Variants in FUT8 observed in about 807,000 individuals in gnomAD.
FUT8 encodes the protein alpha-(1,6)-fucosyltransferase.
Under a neutral mutation model 71.3 loss-of-function variants are expected in FUT8, and 29 were observed. The ratio of observed to expected loss-of-function variants is 0.41; its 90% CI spans 0.30 to 0.55. The LOEUF is 0.55. Ranked by LOEUF, FUT8 falls within the 20% of genes least tolerant of loss-of-function variation. The pLI is 0.34. For missense variants in FUT8, 544 were observed against 702.1 expected, an observed-to-expected ratio of 0.77 and a Z score of 2.55; for synonymous variants, 254 against 239.3, an observed-to-expected ratio of 1.06 and a Z score of -0.57.
chr14:65,717,343 G>A (rs1344060022), intron 7 of FUT8, among the ~76,000 whole-genome samples: 10 of 144,644 alleles, frequency 6.9e-5, no homozygotes, highest in Non-Finnish European at 1.5e-4. Context: ...CAGGGCAGCC[G>A]GGCAGAGACG....
At chr14:65,591,090 A>G (rs1472757184) in intron 3 of FUT8, among the ~76,000 whole-genome samples, 4 of 152,216 alleles carry the variant, frequency 2.6e-5, no homozygotes, top group African/African-American at 9.6e-5. Context: ...ACATTTTGGA[A>G]ACAAAGCCTA....
chr14:65,441,319 T>TTTC (rs1343451698), intron 1 of FUT8, among the ~76,000 whole-genome samples: 1 of 152,208 alleles, frequency 6.6e-6, no homozygotes, highest in African/African-American at 2.4e-5. Flanking sequence ...AACCTTAGAA[T>TTTC]AGTGACCATT....
chr14:65,524,748 A>T (rs1483631230), intron 2 of FUT8, among the ~76,000 whole-genome samples: 2 of 152,182 alleles, frequency 1.3e-5, no homozygotes, highest in Non-Finnish European at 2.9e-5. Flanking sequence ...GATAAGTCCC[A>T]TCAATATCTA....
At chr14:65,741,873 T>C (rs1466037355) in intron 10 of FUT8, among the ~76,000 whole-genome samples, 1 of 151,958 alleles carries the variant, frequency 6.6e-6, no homozygotes, top group Non-Finnish European at 1.5e-5. Context: ...GTAATAATCT[T>C]TCGTGAGTTT....
intron 7 of FUT8, among the ~76,000 whole-genome samples, chr14:65,715,357 C>T (rs1895001448): frequency 6.6e-6 from 1 of 152,164 alleles, no homozygotes; most frequent in African/African-American, 2.4e-5. Context: ...GTTCTTCATT[C>T]TGTTGATATG....
chr14:65,415,861 T>C (rs576423624), intron 1 of FUT8, among the ~76,000 whole-genome samples: 21 of 152,266 alleles, frequency 1.4e-4, no homozygotes, highest in African/African-American at 5.1e-4. Context: ...TTTTGTGGCC[T>C]GTGGCATTTC....
the FUT8 span, among the ~76,000 whole-genome samples, chr14:65,399,867 T>C: frequency 6.6e-6 from 1 of 152,240 alleles, no homozygotes; most frequent in African/African-American, 2.4e-5. Flanking sequence ...TAATAACATG[T>C]AAAGACAAAA....
intron 6 of FUT8, among the ~76,000 whole-genome samples, chr14:65,650,707 C>CAAAAAAAAAAAAA (rs57971519): frequency 3.4e-5 from 4 of 118,970 alleles, no homozygotes; most frequent in African/African-American, 1.0e-4. Context: ...CTGCTAATTA[C>CAAAAAAAAAAAAA]AAAAAAAAAA....
chr14:65,569,297 T>C (rs1886356990), intron 3 of FUT8, among the ~76,000 whole-genome samples: 1 of 151,848 alleles, frequency 6.6e-6, no homozygotes, highest in Admixed American at 6.6e-5. Context: ...CAAATACTGC[T>C]TCTGAAGCCA....
intron 2 of FUT8, among the ~76,000 whole-genome samples, chr14:65,492,896 C>T (rs1351456649): frequency 1.3e-5 from 2 of 152,004 alleles, no homozygotes; most frequent in Admixed American, 6.6e-5. Flanking sequence ...TTGACCATTT[C>T]GTGTCTCTGT....
At chr14:65,590,767 A>T (rs1023994786) in intron 3 of FUT8, among the ~76,000 whole-genome samples, 5 of 152,190 alleles carry the variant, frequency 3.3e-5, no homozygotes, top group African/African-American at 7.2e-5. Context: ...TTTGTTGGAA[A>T]TAGGTTTCAT....
intron 2 of FUT8, among the ~76,000 whole-genome samples, chr14:65,498,793 A>C (rs1566786033): frequency 6.6e-6 from 1 of 152,166 alleles, no homozygotes; most frequent in African/African-American, 2.4e-5. Flanking sequence ...TGAAATAGGA[A>C]TTTTTGGTTC....
chr14:65,686,667 C>T (rs1419460712), intron 7 of FUT8, among the ~76,000 whole-genome samples: 2 of 152,212 alleles, frequency 1.3e-5, no homozygotes, highest in East Asian at 1.9e-4. Context: ...GGTTGATTGT[C>T]AGTTTGATTT....
At chr14:65,419,619 C>G (rs1045011692) in intron 1 of FUT8, among the ~76,000 whole-genome samples, 1 of 152,138 alleles carries the variant, frequency 6.6e-6, no homozygotes, top group Admixed American at 6.5e-5. Context: ...ATTCAGTTGC[C>G]AAATGTCAAA....
rs2066368952 is a variant in FUT8, at chr14:65,483,848, T to C, written c.-228+28130T>C. On this transcript the variant is annotated intron_variant, in intron 2 of 10. Coordinates refer to ENST00000673929, the MANE Select transcript of FUT8 (RefSeq NM_001371533.1). This position sits in a 1 kb window ranked among gnomAD's most constrained non-coding sequence, Gnocchi z 4.4. The stretch of plus-strand genomic sequence containing the variant: ...TCTGGTTTCAAGTGATTCTTCTGAC[T>C]CAGCCTCCTGAGTAGCTGAGATTGC... Among the ~76,000 whole-genome samples, 1 of 152,062 alleles carries C rather than the reference T, an allele frequency of 6.6e-6. No homozygotes were observed. The highest frequency in any genetic ancestry group is 1.5e-5 in the Non-Finnish European group (1 of 68,012).
chr14:65,714,419 T>TTTTATTTATTTATTTA (rs55846929), intron 7 of FUT8, among the ~76,000 whole-genome samples: 2 of 145,488 alleles, frequency 1.4e-5, no homozygotes, highest in South Asian at 2.2e-4. Context: ...TCCATATAAA[T>TTTTATTTATTTATTTA]TTTATTTATT....
At chr14:65,615,783 C>T (rs556222889) in intron 3 of FUT8, among the ~76,000 whole-genome samples, 195 bp from the exon 4 acceptor site, 10 of 152,212 alleles carry the variant, frequency 6.6e-5, no homozygotes, top group African/African-American at 2.4e-4. Context: ...TTCTATTTTT[C>T]GTTATTATCA....
At position 65,733,288 on chromosome 14, in the gene FUT8, C is replaced by T. The variant is rs1896064549; in HGVS notation, c.1317C>T (p.His439=). Residue 439 remains histidine, a synonymous_variant, in exon 10 of 11, where the codon CAC becomes CAT. Coordinates refer to ENST00000673929, the MANE Select transcript of FUT8 (RefSeq NM_001371533.1). ...CTATTTCCTGGTCAGCTGGACTGCA[C>T]AATCGATACACAGAAAATTCACTTC... ...DNSISWSAGL[H]NRYTENSLRG... is the part of the protein sequence containing the mutation. 1 of 1,608,540 alleles carries T rather than the reference C, an allele frequency of 6.2e-7. No individual in the cohort carries two copies. The highest frequency in any genetic ancestry group is 2.2e-5 in the East Asian group (1 of 44,714).
At position 65,574,582 on chromosome 14, in the gene FUT8, G is replaced by C. The variant is rs961844394; in HGVS notation, c.203+12816G>C. ...GTGCTAAAACCAGCAAGAGCTCAAA[G>C]AGTCTGACTCTAGGTATTATAGAAT... On this transcript the variant is annotated intron_variant, in intron 3 of 10. Coordinates refer to ENST00000673929, the MANE Select transcript of FUT8 (RefSeq NM_001371533.1). The surrounding 1 kb of genome is among the most constrained non-coding windows in gnomAD (Gnocchi z 5.2). Among the ~76,000 whole-genome samples, 1 of 152,154 alleles carries C rather than the reference G, an allele frequency of 6.6e-6. No homozygotes were observed. The highest frequency in any genetic ancestry group is 1.5e-5 in the Non-Finnish European group (1 of 68,042).
Sources: allele counts gnomAD v4.1 joint callset (sites outside exome capture counted in the v4.1 genomes callset), GRCh38; gene constraint gnomAD v4.1.1; non-coding constraint Gnocchi (gnomAD v3.1); transcripts MANE v1.5; gene names NCBI Gene and HGNC (gene_info 2026-07-23, HGNC 2026-07-21).